Variants in CREBZF observed in about 807,000 individuals in gnomAD.
CREBZF encodes HCF-binding transcription factor Zhangfei.
A neutral mutation model predicts 21.1 loss-of-function variants in CREBZF; 8 were observed. That is an observed-to-expected ratio of 0.38 (90% confidence interval 0.22 to 0.68). The LOEUF (loss-of-function observed/expected upper bound fraction) is 0.68. Ranked by LOEUF, CREBZF falls within the 30% of genes least tolerant of loss-of-function variation. The probability of loss-of-function intolerance (pLI) is 0.51; values close to 1 mark genes in which losing one functional copy is unlikely to be tolerated. For synonymous variants in CREBZF, 270 were observed against 223.3 expected, an observed-to-expected ratio of 1.21 and a Z score of -1.86; for missense variants, 518 against 484.3, an observed-to-expected ratio of 1.07 and a Z score of -0.65.
chr11:85,659,285 G>A lies in CREBZF; in HGVS notation c.*4526C>T, dbSNP rs992459851. Among the ~76,000 whole-genome samples the A allele has an allele frequency of 6.6e-6, 1 of 151,970 alleles. No homozygotes were observed. The highest frequency in any genetic ancestry group is 6.6e-5 in the Admixed American group (1 of 15,238). On this transcript the variant is annotated 3_prime_UTR_variant, in exon 1 of 1. Coordinates refer to ENST00000527447, the MANE Select transcript of CREBZF (RefSeq NM_001039618.4). ...AGACCTTAAACTACACATTCAAAAT[G>A]CTGAACTAGATAATCACATATTAAA...
chr11:85,679,592 C>T (rs773040608), intron 1 of CREBZF, among the ~76,000 whole-genome samples: 1 of 152,010 alleles, frequency 6.6e-6, no homozygotes, highest in Non-Finnish European at 1.5e-5. Context: ...ATAAGAAAAC[C>T]GGCTCTCTAA....
Position 85,661,849 on chromosome 11 carries a change from ATTAG to A in CREBZF, c.*1958_*1961del, listed in dbSNP as rs1016988256. 42 of 152,494 alleles carry A rather than the reference ATTAG, an allele frequency of 2.8e-4. No individual in the cohort carries two copies. Among genetic ancestry groups the A allele is most frequent in the African/African-American group, 8.4e-4 (35 of 41,504 alleles). 9.4% of individuals were successfully genotyped at this position (152,494 alleles called of 1,614,324 possible). On this transcript the variant is annotated 3_prime_UTR_variant, in exon 1 of 1. Coordinates refer to ENST00000527447, the MANE Select transcript of CREBZF (RefSeq NM_001039618.4). ...AGAAATATATACAAAATGTTCAAGT[ATTAG>A]TTAAATTTCAATTCAAGGCTTCTGT...
intron 1 of CREBZF, among the ~76,000 whole-genome samples, chr11:85,675,576 T>C (rs2082937036): frequency 6.6e-6 from 1 of 152,116 alleles, no homozygotes; most frequent in Non-Finnish European, 1.5e-5. Context: ...GAGATATTAA[T>C]AATGAAAAAG....
Position 85,664,222 on chromosome 11 carries a change from G to A in CREBZF, c.654C>T (p.Ala218=), listed in dbSNP as rs757021392. The A allele has an allele frequency of 6.8e-6, 11 of 1,612,522 alleles. No individual in the cohort carries two copies. The highest frequency in any genetic ancestry group is 6.6e-5 in the South Asian group (6 of 91,050). ...CCTTCTTCTTCAGTCGATTAAGGCG[G>A]GCAGCGGCCGCCGCCGCCTTCCGGG... is the stretch of plus-strand genomic sequence containing the variant. The part of the protein sequence containing the change: ...KSPRKAAAAA[A]RLNRLKKKEY... The change falls in exon 1 of 1, where the codon GCC becomes GCT. Residue 218 remains alanine, a synonymous_variant. Transcript: ENST00000527447. This position sits in a 1 kb window ranked among gnomAD's most constrained non-coding sequence, Gnocchi z 5.5.
Position 85,658,215 on chromosome 11 carries a change from T to C in CREBZF, c.*5596A>G, listed in dbSNP as rs1232682744. Among the ~76,000 whole-genome samples, 2 of 151,988 alleles carry C rather than the reference T, an allele frequency of 1.3e-5. No homozygotes were observed. Among genetic ancestry groups the C allele is most frequent in the Non-Finnish European group, 2.9e-5 (2 of 67,866 alleles). On this transcript the variant is annotated 3_prime_UTR_variant, in exon 1 of 1. Transcript: ENST00000527447. The stretch of plus-strand genomic sequence containing the variant: ...TATAGAATTATGTAATCAACTTAGA[T>C]AATTCAAAGCCCAATGATATAACTA...
intron 1 of CREBZF, among the ~76,000 whole-genome samples, chr11:85,677,044 A>C (rs1591492265): frequency 2.1e-5 from 3 of 142,762 alleles, no homozygotes. Flanking sequence ...GCTCACTGCA[A>C]CCTCCGCCTC....
rs2082689136 is a variant in CREBZF at position 85,661,794 on chromosome 11, G to C, written c.*2017C>G. The C allele has an allele frequency of 6.6e-6, 1 of 152,212 alleles. No homozygotes were observed. The highest frequency in any genetic ancestry group is 1.5e-5 in the Non-Finnish European group (1 of 67,934). 9.4% of individuals were successfully genotyped at this position (152,212 alleles called of 1,614,324 possible). A position where few individuals can be genotyped will look rare whatever the true frequency, so the allele number is the denominator to read the frequency against. On this transcript the variant is annotated 3_prime_UTR_variant, in exon 1 of 1. Transcript: ENST00000527447. ...GGTTTTATTATGACACCATATTTTTGTCATTGGTACTGCACAAAATTATAT... is the reference window on the plus strand; with the variant it reads ...GGTTTTATTATGACACCATATTTTTCTCATTGGTACTGCACAAAATTATAT...
At position 85,664,955 on chromosome 11, in the gene CREBZF, C is replaced by A; in HGVS notation, c.-80G>T. The A allele has an allele frequency of 4.7e-6, 5 of 1,073,474 alleles. No homozygotes were observed. In the South Asian group the frequency reaches 1.1e-4, roughly 24 times the overall value. The allele number at this position is 1,073,474 out of a possible 1,614,324, so 66.5% of individuals were successfully genotyped here. On this transcript the variant is annotated 5_prime_UTR_variant, in exon 1 of 1. Coordinates refer to ENST00000527447, the MANE Select transcript of CREBZF (RefSeq NM_001039618.4). This position sits in a 1 kb window ranked among gnomAD's most constrained non-coding sequence, Gnocchi z 5.5. ...GCCCCAAGGATCCCAGGCCCCAGGG[C>A]GGGTAGCCCCCGGCACTGGCCGAAA... is the stretch of plus-strand genomic sequence containing the variant.
chr11:85,681,464 C>A (rs2082976160), intron 1 of CREBZF, among the ~76,000 whole-genome samples: 1 of 152,046 alleles, frequency 6.6e-6, no homozygotes, highest in African/African-American at 2.4e-5. Flanking sequence ...CTGAAAATAC[C>A]AGTCAGTTCA....
chr11:85,662,684 A>G lies in CREBZF; in HGVS notation c.*1127T>C, dbSNP rs2082717636. On this transcript the variant is annotated 3_prime_UTR_variant, in exon 1 of 1. Coordinates refer to ENST00000527447, the MANE Select transcript of CREBZF (RefSeq NM_001039618.4). ...ATTTAAAAAATTATTTTAAAATAGG[A>G]CAAATACTTTTGAAACACAGAGAAT... 1 of 384,366 alleles carries G rather than the reference A, an allele frequency of 2.6e-6. No individual in the cohort carries two copies. Among genetic ancestry groups the G allele is most frequent in the South Asian group, 1.0e-4 (1 of 9,898 alleles). 23.8% of individuals were successfully genotyped at this position (384,366 alleles called of 1,614,324 possible).
intron 1 of CREBZF, among the ~76,000 whole-genome samples, chr11:85,674,860 T>A (rs1456600475): frequency 1.3e-5 from 2 of 152,230 alleles, no homozygotes; most frequent in Non-Finnish European, 2.9e-5. Context: ...GTGCTTTTAC[T>A]TCTCATTGCT....
At position 85,659,337 on chromosome 11, in the gene CREBZF, T is replaced by A. The variant is rs947461875; in HGVS notation, c.*4474A>T. Among the ~76,000 whole-genome samples the A allele has an allele frequency of 2.6e-5, 4 of 152,070 alleles. No homozygotes were observed. The highest frequency in any genetic ancestry group is 7.2e-5 in the African/African-American group (3 of 41,444). ...AGGTAATGACTCATTATCAGTGAAT[T>A]ACCCAGTCTGTTCTATCAAAGTAGT... On this transcript the variant is annotated 3_prime_UTR_variant, in exon 1 of 1. Coordinates refer to ENST00000527447, the MANE Select transcript of CREBZF (RefSeq NM_001039618.4).
rs1160248737 is a variant in CREBZF at position 85,661,944 on chromosome 11, T to C, written c.*1867A>G. On this transcript the variant is annotated 3_prime_UTR_variant, in exon 1 of 1. Transcript: ENST00000527447. Reference sequence around the variant, plus strand: ...CAAATTAGTCATTTCAAATAATCTTTCCAACTACTTTTGGTTTATATATAT... The same window carrying C: ...CAAATTAGTCATTTCAAATAATCTTCCCAACTACTTTTGGTTTATATATAT... The C allele has an allele frequency of 6.7e-6, 1 of 149,914 alleles. No homozygotes were observed. Among genetic ancestry groups the C allele is most frequent in the African/African-American group, 2.4e-5 (1 of 40,920 alleles). The allele number at this position is 149,914 out of a possible 1,614,324, so 9.3% of individuals were successfully genotyped here.
rs1454518953 is a variant in CREBZF, at chr11:85,658,738, G to A, written c.*5073C>T. ...TTATAGTACACTAAGAGCCAGAGGGGTCTAGGGAATTGATCTCAGTGGGTA... is the reference window on the plus strand; with the variant it reads ...TTATAGTACACTAAGAGCCAGAGGGATCTAGGGAATTGATCTCAGTGGGTA... On this transcript the variant is annotated 3_prime_UTR_variant, in exon 1 of 1. Transcript: ENST00000527447. 1.3e-5 allele frequency among the ~76,000 whole-genome samples: 2 copies of A among 151,894 alleles called. No homozygotes were observed. The highest frequency in any genetic ancestry group is 1.3e-4 in the Admixed American group (2 of 15,242).
At position 85,664,841 on chromosome 11, in the gene CREBZF, G is replaced by C. The variant is rs769357175; in HGVS notation, c.35C>G (p.Ser12Trp). ...RHSLTKLLAASGSNSPTRSES... is the reference protein window; with the variant it reads ...RHSLTKLLAAWGSNSPTRSES... ...ACTGCGGGTTGGGGAGTTGCTGCCCGAGGCTGCCAGCAGCTTGGTCAGGCT... is the reference window on the plus strand; with the variant it reads ...ACTGCGGGTTGGGGAGTTGCTGCCCCAGGCTGCCAGCAGCTTGGTCAGGCT... Residue 12 changes from serine to tryptophan, a missense_variant, in exon 1 of 1, where the codon TCG becomes TGG. Ser to Trp is a radical substitution (Grantham distance 177). Transcript: ENST00000527447. This position sits in a 1 kb window ranked among gnomAD's most constrained non-coding sequence, Gnocchi z 5.5. The C allele has an allele frequency of 2.0e-6, 3 of 1,528,784 alleles. No homozygotes were observed. Among genetic ancestry groups the C allele is most frequent in the Non-Finnish European group, 2.6e-6 (3 of 1,143,626 alleles). The allele number at this position is 1,528,784 out of a possible 1,614,324, so 94.7% of individuals were successfully genotyped here. A position where few individuals can be genotyped will look rare whatever the true frequency, so the allele number is the denominator to read the frequency against.
At chr11:85,675,945 A>C (rs1265537883) in intron 1 of CREBZF, among the ~76,000 whole-genome samples, 1 of 152,230 alleles carries the variant, frequency 6.6e-6, no homozygotes, top group African/African-American at 2.4e-5. Flanking sequence ...TATTTGCATG[A>C]AATGTGCAAT....
At chr11:85,671,253 G>C (rs182438680) in intron 1 of CREBZF, among the ~76,000 whole-genome samples, 1 of 152,186 alleles carries the variant, frequency 6.6e-6, no homozygotes, top group African/African-American at 2.4e-5. Flanking sequence ...AGTGAAAACA[G>C]CATAGAAAAA....
At position 85,664,658 on chromosome 11, in the gene CREBZF, A is replaced by G. The variant is rs765623434; in HGVS notation, c.218T>C (p.Val73Ala). 82 of 1,599,440 alleles carry G rather than the reference A, an allele frequency of 5.1e-5. No individual in the cohort carries two copies. The South Asian group carries it at 9.0e-4, about 18-fold the overall frequency. Residue 73 changes from valine (V) to alanine (A), a missense_variant, in exon 1 of 1, where the codon GTG becomes GCG. By Grantham distance (64) the Val-to-Ala change is moderately conservative (BLOSUM62 0). Transcript: ENST00000527447. The surrounding 1 kb of genome is among the most constrained non-coding windows in gnomAD (Gnocchi z 5.5). ...CTCGGGGGAGGGCGCGCGCACGGCC[A>G]CGCCGCCGCGGCTCCCCCTCCCGGC... Reference protein sequence around the residue: ...LEAGRGSRGGVAVRAPSPEEM... With the variant: ...LEAGRGSRGGAAVRAPSPEEM...
chr11:85,678,359 AT>A (rs2082954925), intron 1 of CREBZF, among the ~76,000 whole-genome samples: 1 of 152,160 alleles, frequency 6.6e-6, no homozygotes, highest in African/African-American at 2.4e-5. Context: ...GAGCTAGGGA[AT>A]ATGTATTTTT....
Sources: allele counts gnomAD v4.1 joint callset (sites outside exome capture counted in the v4.1 genomes callset), GRCh38; gene constraint gnomAD v4.1.1; non-coding constraint Gnocchi (gnomAD v3.1); transcripts MANE v1.5; gene names NCBI Gene and HGNC (gene_info 2026-07-23, HGNC 2026-07-21).